Variants in AKAP6 observed in about 807,000 individuals in gnomAD.
AKAP6 encodes the protein A-kinase anchoring protein 6.
A neutral mutation model predicts 188.5 loss-of-function variants in AKAP6; 58 were observed. That is an observed-to-expected ratio of 0.31 (90% confidence interval 0.25 to 0.38). The LOEUF is 0.38. Ranked by LOEUF, AKAP6 falls within the 10% of genes least tolerant of loss-of-function variation. The pLI, the probability that AKAP6 is intolerant of heterozygous loss-of-function variation, is 1.00. For missense variants in AKAP6, 2,710 were observed against 2,740.0 expected (o/e 0.99, Z 0.24); for synonymous variants, 989 against 998.6 (o/e 0.99, Z 0.18).
chr14:32,455,822 C>T (rs1008835559), intron 2 of AKAP6, among the ~76,000 whole-genome samples: 13 of 152,132 alleles, frequency 8.5e-5, no homozygotes, highest in African/African-American at 3.1e-4. Context: ...ACACTTGTAA[C>T]CTGCCCCCAA....
At chr14:32,674,772 A>G (rs976159823) in intron 7 of AKAP6, among the ~76,000 whole-genome samples, 10 of 152,178 alleles carry the variant, frequency 6.6e-5, no homozygotes, top group Non-Finnish European at 1.3e-4. Context: ...CTTAGAGAAG[A>G]GGATTGGAAG....
At chr14:32,444,389 TG>T (rs985569216) in intron 2 of AKAP6, among the ~76,000 whole-genome samples, 48 of 152,252 alleles carry the variant, frequency 3.2e-4, no homozygotes, top group African/African-American at 1.1e-3. Context: ...TCTTGTCACT[TG>T]GTATTAGGGC....
chr14:32,753,858 T>A (rs1417335228), intron 11 of AKAP6, among the ~76,000 whole-genome samples: 1 of 151,394 alleles, frequency 6.6e-6, no homozygotes, highest in African/African-American at 2.5e-5. Context: ...TGGGGCTCTC[T>A]CTTCTGTTCA....
At chr14:32,825,657 A>G (rs1490039246) in intron 13 of AKAP6, among the ~76,000 whole-genome samples, 1 of 152,136 alleles carries the variant, frequency 6.6e-6, no homozygotes, top group Non-Finnish European at 1.5e-5. Context: ...GTTATTTCCC[A>G]TTTCTAAGCC....
chr14:32,716,357 T>C (rs1213067551), intron 9 of AKAP6, among the ~76,000 whole-genome samples: 1 of 151,490 alleles, frequency 6.6e-6, no homozygotes, highest in Non-Finnish European at 1.5e-5. Flanking sequence ...TGTCACTGTA[T>C]ATATATATGC....
At chr14:32,786,496 T>C (rs2140037642) in intron 12 of AKAP6, among the ~76,000 whole-genome samples, 1 of 151,200 alleles carries the variant, frequency 6.6e-6, no homozygotes, top group Admixed American at 6.6e-5. Context: ...TATTTTATTT[T>C]TTTATTTTTA....
Position 32,365,426 on chromosome 14 carries a change from AC to A in AKAP6, c.-35+36023del, listed in dbSNP as rs1189805310. Reference sequence around the variant, plus strand: ...TGATGTCTCACCAGGACTTATTGACACCCCCAGGACCTGTCAAGCTTTCCTT... The same window carrying A: ...TGATGTCTCACCAGGACTTATTGACACCCCAGGACCTGTCAAGCTTTCCTT... On this transcript the variant is annotated intron_variant, in intron 1 of 13. Transcript: ENST00000280979. Among the ~76,000 whole-genome samples the A allele has an allele frequency of 4.6e-5, 7 of 151,456 alleles. No individual in the cohort carries two copies. The South Asian group carries it at 8.4e-4, about 18-fold the overall frequency.
intron 5 of AKAP6, among the ~76,000 whole-genome samples, chr14:32,596,533 G>C (rs912455136): frequency 6.6e-6 from 1 of 152,078 alleles, no homozygotes; most frequent in African/African-American, 2.4e-5. Context: ...TCATCTACGT[G>C]CTGCTTTAAA....
At chr14:32,585,084 A>G (rs1045697174) in intron 5 of AKAP6, among the ~76,000 whole-genome samples, 4 of 151,522 alleles carry the variant, frequency 2.6e-5, no homozygotes, top group Non-Finnish European at 5.9e-5. Flanking sequence ...AATTAAGAGT[A>G]AAGCAGCAGA....
chr14:32,824,349 C>T lies in AKAP6; in HGVS notation c.6536C>T (p.Ser2179Phe), dbSNP rs781333307. ...PCFSSAPPNE[S>F]AVPSEAAMPL... is the part of the protein sequence containing the mutation. The stretch of plus-strand genomic sequence containing the variant: ...TTCTCTAGTGCTCCTCCAAATGAAT[C>T]TGCAGTTCCCAGCGAAGCTGCAATG... Residue 2179 changes from serine to phenylalanine, a missense_variant, in exon 13 of 14, where the codon TCT (serine) becomes TTT (phenylalanine). Ser to Phe is a radical substitution (Grantham distance 155). Around this residue, in one of 2 missense-constraint regions of AKAP6, gnomAD observed 2,473 missense variants for 2,426.1 expected, o/e 1.02. Coordinates refer to ENST00000280979, the MANE Select transcript of AKAP6 (RefSeq NM_004274.5). 6.2e-7 allele frequency: 1 copy of T among 1,613,884 alleles called. No homozygotes were observed. The highest frequency in any genetic ancestry group is 1.1e-5 in the South Asian group (1 of 91,080).
intron 2 of AKAP6, among the ~76,000 whole-genome samples, chr14:32,461,687 C>T (rs1012289561): frequency 3.9e-5 from 6 of 151,932 alleles, no homozygotes; most frequent in South Asian, 2.1e-4. Context: ...CAAATGATTG[C>T]AACTCCTCTT....
At chr14:32,460,335 T>A in intron 2 of AKAP6, among the ~76,000 whole-genome samples, 1 of 152,164 alleles carries the variant, frequency 6.6e-6, no homozygotes, top group East Asian at 1.9e-4. Context: ...CCAAGATGGC[T>A]GAATAGCAAC....
Position 32,559,839 on chromosome 14 carries a change from G to A in AKAP6, c.2346+12840G>A, listed in dbSNP as rs548248185. Among the ~76,000 whole-genome samples, 23 of 149,870 alleles carry A rather than the reference G, an allele frequency of 1.5e-4. No individual in the cohort carries two copies. The South Asian group carries it at 4.7e-3, about 30-fold the overall frequency. ...TCTTGCTCTGTTGCCAGGCTGGAGG[G>A]CAGTGGTGCAATCTCCTCTAAGCCT... On this transcript the variant is annotated intron_variant, in intron 4 of 13. Coordinates refer to ENST00000280979, the MANE Select transcript of AKAP6 (RefSeq NM_004274.5).
At chr14:32,750,670 A>G (rs1301059817) in intron 11 of AKAP6, among the ~76,000 whole-genome samples, 1 of 151,920 alleles carries the variant, frequency 6.6e-6, no homozygotes, top group Non-Finnish European at 1.5e-5. Context: ...GTTCAAGGGT[A>G]CAGTGAGCTA....
At chr14:32,689,321 G>A (rs1890067495) in intron 8 of AKAP6, among the ~76,000 whole-genome samples, 1 of 151,932 alleles carries the variant, frequency 6.6e-6, no homozygotes, top group Non-Finnish European at 1.5e-5. Context: ...GGATTATCTT[G>A]GTGCTTTATG....
In AKAP6 at chr14:32,546,504, T is replaced by C; in HGVS notation, c.1851T>C (p.Asn617=). The part of the protein sequence containing the change: ...QASSPSHVTR[N]GEVVEAWYGS... The stretch of plus-strand genomic sequence containing the variant: ...CCTCTCCAAGTCACGTCACTAGGAA[T>C]GGTGAGGTTGTGGAGGCCTGGTATG... Residue 617 remains asparagine (N), a synonymous_variant, in exon 4 of 14, where the codon AAT becomes AAC. Coordinates refer to ENST00000280979, the MANE Select transcript of AKAP6 (RefSeq NM_004274.5). The C allele has an allele frequency of 6.2e-7, 1 of 1,614,192 alleles. No homozygotes were observed. Among genetic ancestry groups the C allele is most frequent in the Non-Finnish European group, 8.5e-7 (1 of 1,180,036 alleles).
chr14:32,677,306 A>C (rs955886059), intron 7 of AKAP6, among the ~76,000 whole-genome samples: 1 of 152,184 alleles, frequency 6.6e-6, no homozygotes, highest in African/African-American at 2.4e-5. Context: ...ATCTGGCCCA[A>C]CTTTTCTTCT....
intron 3 of AKAP6, among the ~76,000 whole-genome samples, chr14:32,540,190 A>ATT (rs1478530823): frequency 5.5e-4 from 71 of 128,264 alleles, no homozygotes; most frequent in Non-Finnish European, 5.7e-4. Flanking sequence ...ATATATATAT[A>ATT]TATTTTAATT....
chr14:32,829,068 T>A (rs946157117), intron 13 of AKAP6, among the ~76,000 whole-genome samples: 3 of 152,196 alleles, frequency 2.0e-5, no homozygotes, highest in Non-Finnish European at 4.4e-5. Flanking sequence ...TCAGGGGGAC[T>A]TACAATAGTT....
Sources: gnomAD v4.1 joint callset for allele counts (sites outside exome capture counted in the v4.1 genomes callset) on GRCh38, gnomAD v4.1.1 for gene constraint, gnomAD v4.1.1 regional missense constraint, MANE v1.5 for transcripts, NCBI Gene and HGNC (gene_info 2026-07-23, HGNC 2026-07-21) for gene names.